The following PPP1R9A variants were observed in gnomAD, a reference collection of about 807,000 sequenced individuals.
The protein encoded by PPP1R9A is neurabin-1.
PPP1R9A carries 59 observed loss-of-function variants against 141.9 expected under a neutral mutation model. The ratio of observed to expected loss-of-function variants is 0.42; its 90% CI spans 0.34 to 0.52. The LOEUF (loss-of-function observed/expected upper bound fraction) is 0.52. Ranked by LOEUF, PPP1R9A falls within the 20% of genes least tolerant of loss-of-function variation. PPP1R9A has a pLI of 0.10. For synonymous variants in PPP1R9A, 500 were observed against 569.7 expected (o/e 0.88, Z 1.74); for missense variants, 1,444 against 1,611.9 (o/e 0.90, Z 1.78).
At chr7:94,973,338 A>G (rs547842544) in intron 2 of PPP1R9A, among the ~76,000 whole-genome samples, 25 of 152,264 alleles carry the variant, frequency 1.6e-4, no homozygotes, top group African/African-American at 5.8e-4. Flanking sequence ...TGTTTAGGAG[A>G]TGTAGAGAGA....
intron 4 of PPP1R9A, among the ~76,000 whole-genome samples, chr7:95,122,580 A>G (rs922613030): frequency 3.3e-5 from 5 of 152,246 alleles, no homozygotes; most frequent in Admixed American, 1.3e-4. Flanking sequence ...ATAACATCTT[A>G]GTTGGTAGCC....
chr7:95,056,336 T>G (rs1370084603), intron 2 of PPP1R9A, among the ~76,000 whole-genome samples: 2 of 152,174 alleles, frequency 1.3e-5, no homozygotes, highest in Non-Finnish European at 1.5e-5. Context: ...AGACATAGGA[T>G]TTATGTGGTA....
chr7:94,973,858 C>G lies in PPP1R9A; in HGVS notation c.1395+62350C>G, dbSNP rs923855373. On this transcript the variant is annotated intron_variant, in intron 2 of 19. Coordinates refer to ENST00000433360, the MANE Select transcript of PPP1R9A (RefSeq NM_001166160.2). The stretch of plus-strand genomic sequence containing the variant: ...TCAGCCTCCCAAGTAGCTGGAATTA[C>G]AGGCGCATGCTGTCACATCCAGCTA... Among the ~76,000 whole-genome samples the G allele has an allele frequency of 6.6e-5, 10 of 151,974 alleles. No homozygotes were observed. In the East Asian group the frequency reaches 1.9e-3, roughly 29 times the overall value.
In PPP1R9A at chr7:94,934,795, TGTGTG is replaced by T. The variant is rs781721274; in HGVS notation, c.1395+23288_1395+23292del. Among the ~76,000 whole-genome samples, 3 of 151,000 alleles carry T rather than the reference TGTGTG, an allele frequency of 2.0e-5. No individual in the cohort carries two copies. In the Admixed American group the frequency reaches 2.0e-4, roughly 10 times the overall value. On this transcript the variant is annotated intron_variant, in intron 2 of 19. Coordinates refer to ENST00000433360, the MANE Select transcript of PPP1R9A (RefSeq NM_001166160.2). ...TTTGATGTTAAAAGCTTTTATCAAA[TGTGTG>T]TGTGTGTGTATGTATATACACACAT...
chr7:94,977,021 G>A (rs1338854466), intron 2 of PPP1R9A, among the ~76,000 whole-genome samples: 1 of 151,948 alleles, frequency 6.6e-6, no homozygotes, highest in Non-Finnish European at 1.5e-5. Flanking sequence ...TGAGAGTAAA[G>A]GATATCAGCC....
At chr7:94,965,156 G>T (rs1798065856) in intron 2 of PPP1R9A, among the ~76,000 whole-genome samples, 1 of 151,714 alleles carries the variant, frequency 6.6e-6, no homozygotes. Context: ...CCACTTCTTG[G>T]TGGGGTTGTT....
Position 95,039,141 on chromosome 7 carries a change from A to G in PPP1R9A, c.1396-72118A>G, listed in dbSNP as rs995080104. On this transcript the variant is annotated intron_variant, in intron 2 of 19. Transcript: ENST00000433360. Reference sequence around the variant, plus strand: ...GCCATCATCAGAGCCCTTATCATAGATGACACAGAGGTTGGAATTATAAGA... The same window carrying G: ...GCCATCATCAGAGCCCTTATCATAGGTGACACAGAGGTTGGAATTATAAGA... Among the ~76,000 whole-genome samples the G allele has an allele frequency of 6.6e-5, 10 of 152,348 alleles. No homozygotes were observed. The Middle Eastern group carries it at 0.01, about 155-fold the overall frequency.
chr7:95,123,850 T>C (rs1563271019), intron 4 of PPP1R9A, among the ~76,000 whole-genome samples: 1 of 152,198 alleles, frequency 6.6e-6, no homozygotes, highest in African/African-American at 2.4e-5. Context: ...GTGCTATTCA[T>C]ATATATGAAA....
rs34476847 is a variant in PPP1R9A at position 95,103,468 on chromosome 7, T to C, written c.1396-7791T>C. 9.4e-5 allele frequency among the ~76,000 whole-genome samples: 14 copies of C among 149,676 alleles called. 2 individuals carry two copies. Among genetic ancestry groups the C allele is most frequent in the African/African-American group, 3.4e-4 (14 of 40,816 alleles). On this transcript the variant is annotated intron_variant, in intron 2 of 19. Coordinates refer to ENST00000433360, the MANE Select transcript of PPP1R9A (RefSeq NM_001166160.2). ...CTGCAAGCTCCGCCTCCTGGGTTCA[T>C]GCCATTCTCCCGCCTCAGCCTCCTG...
At chr7:95,116,206 T>C (rs1333060075) in intron 3 of PPP1R9A, among the ~76,000 whole-genome samples, 5 of 152,140 alleles carry the variant, frequency 3.3e-5, no homozygotes, top group Admixed American at 3.3e-4. Flanking sequence ...GAGTAAACAC[T>C]AAAGATATTT....
intron 4 of PPP1R9A, among the ~76,000 whole-genome samples, chr7:95,132,839 A>G (rs1023449714): frequency 1.3e-5 from 2 of 152,164 alleles, no homozygotes; most frequent in African/African-American, 4.8e-5. Flanking sequence ...TAATGTGGTG[A>G]CACCCAGAAA....
Position 95,072,359 on chromosome 7 carries a change from A to T in PPP1R9A, c.1396-38900A>T, listed in dbSNP as rs984117183. Among the ~76,000 whole-genome samples, 4 of 144,364 alleles carry T rather than the reference A, an allele frequency of 2.8e-5. No homozygotes were observed. The South Asian group carries it at 8.4e-4, about 30-fold the overall frequency. The allele number at this position is 144,364 out of a possible 152,430, so 94.7% of individuals were successfully genotyped here. A position where few individuals can be genotyped will look rare whatever the true frequency, so the allele number is the denominator to read the frequency against. ...AATAATATAAGTTATATTATTATAT[A>T]ATATTATTATTTGTGAGAATATCAA... On this transcript the variant is annotated intron_variant, in intron 2 of 19. Coordinates refer to ENST00000433360, the MANE Select transcript of PPP1R9A (RefSeq NM_001166160.2).
intron 5 of PPP1R9A, among the ~76,000 whole-genome samples, chr7:95,196,965 C>T (rs962510468): frequency 4.0e-5 from 6 of 151,878 alleles, no homozygotes; most frequent in African/African-American, 1.5e-4. Context: ...TAATTGATTT[C>T]CAAAGGAAAA....
At chr7:95,192,948 T>A (rs897807853) in intron 5 of PPP1R9A, among the ~76,000 whole-genome samples, 1 of 152,256 alleles carries the variant, frequency 6.6e-6, no homozygotes, top group South Asian at 2.1e-4. Flanking sequence ...GTAATTTGAA[T>A]GTTACAGATT....
intron 7 of PPP1R9A, 116 bp from the exon 8 acceptor site, chr7:95,225,845 C>A: frequency 8.9e-7 from 1 of 1,121,334 alleles, no homozygotes; most frequent in South Asian, 1.8e-5. Context: ...GAAAAACCTA[C>A]TTACACTTTT....
At chr7:95,114,797 A>G (rs949669899) in intron 3 of PPP1R9A, among the ~76,000 whole-genome samples, 2 of 151,924 alleles carry the variant, frequency 1.3e-5, no homozygotes, top group South Asian at 2.1e-4. Flanking sequence ...TGGAAATTAC[A>G]TAATACATTC....
At chr7:95,083,480 T>C (rs1816205738) in intron 2 of PPP1R9A, among the ~76,000 whole-genome samples, 2 of 151,938 alleles carry the variant, frequency 1.3e-5, no homozygotes, top group South Asian at 4.1e-4. Flanking sequence ...CTCTTGCTTC[T>C]GCTGTTTCCT....
intron 2 of PPP1R9A, among the ~76,000 whole-genome samples, chr7:94,940,488 A>T (rs1399992906): frequency 1.3e-5 from 2 of 151,944 alleles, no homozygotes; most frequent in Admixed American, 6.6e-5. Flanking sequence ...TAGATCTGTG[A>T]GCCAAAGATG....
At chr7:94,917,036 G>A (rs558499252) in intron 2 of PPP1R9A, among the ~76,000 whole-genome samples, 2 of 152,150 alleles carry the variant, frequency 1.3e-5, no homozygotes, top group African/African-American at 4.8e-5. Context: ...GGCTAGTCTC[G>A]AACTCCTGAC....
Sources: allele counts gnomAD v4.1 joint callset (sites outside exome capture counted in the v4.1 genomes callset), GRCh38; gene constraint gnomAD v4.1.1; transcripts MANE v1.5; gene names NCBI Gene and HGNC (gene_info 2026-07-23, HGNC 2026-07-21).